SERGEF: variants seen among roughly 807,000 people sequenced by gnomAD.
The protein encoded by SERGEF is secretion-regulating guanine nucleotide exchange factor.
SERGEF carries 51 observed loss-of-function variants against 50.0 expected under a neutral mutation model. The ratio of observed to expected loss-of-function variants is 1.02; its 90% CI spans 0.81 to 1.29. The LOEUF is 1.29. Among genes scored for constraint, SERGEF ranks in the 50% most tolerant of loss-of-function variants. SERGEF has a pLI of 0.00. For missense variants in SERGEF, 521 were observed against 557.0 expected (o/e 0.94, Z 0.65); for synonymous variants, 205 against 212.4 (o/e 0.97, Z 0.30).
chr11:17,860,868 T>C (rs2133882539), intron 10 of SERGEF, among the ~76,000 whole-genome samples: 1 of 152,228 alleles, frequency 6.6e-6, no homozygotes, highest in East Asian at 1.9e-4. Context: ...AGTGAGACAG[T>C]GTAAGAGTTG....
intron 9 of SERGEF, among the ~76,000 whole-genome samples, chr11:17,936,208 C>T (rs992125960): frequency 6.6e-6 from 1 of 152,166 alleles, no homozygotes; most frequent in Non-Finnish European, 1.5e-5. Context: ...CTTGGCTCCA[C>T]AACAAGCCAA....
intron 9 of SERGEF, among the ~76,000 whole-genome samples, chr11:17,913,593 TC>T (rs1851994125): frequency 6.6e-6 from 1 of 152,166 alleles, no homozygotes; most frequent in African/African-American, 2.4e-5. Flanking sequence ...TAGAAATGCT[TC>T]TCTGGATAAA....
In SERGEF at chr11:17,992,941, A is replaced by G. The variant is rs1853750022; in HGVS notation, c.675T>C (p.Ala225=). The change falls in exon 7 of 11, where the codon GCT becomes GCC. Residue 225 remains alanine, a synonymous_variant. Transcript: ENST00000265965. ...MCVLAGSDHS[A]SLTDAGEVYV... is the part of the protein sequence containing the mutation. ...AGAGCTGGTACCTACCTGTTAATGA[A>G]GCTGAGTGGTCTGAGCCAGCAAGAA... The G allele has an allele frequency of 6.2e-7, 1 of 1,614,050 alleles. No individual in the cohort carries two copies. Among genetic ancestry groups the G allele is most frequent in the African/African-American group, 1.3e-5 (1 of 75,050 alleles).
intron 9 of SERGEF, chr11:17,918,818 T>C (rs904528848): frequency 7.6e-6 from 3 of 394,336 alleles, no homozygotes; most frequent in African/African-American, 6.4e-5. Flanking sequence ...CAAAAAGCAC[T>C]CCTGGCAAAG....
intron 8 of SERGEF, among the ~76,000 whole-genome samples, chr11:17,966,743 T>A (rs1006368220): frequency 6.6e-6 from 1 of 152,200 alleles, no homozygotes; most frequent in African/African-American, 2.4e-5. Flanking sequence ...GTTTGGAATT[T>A]TTTTAAGTTA....
chr11:17,874,190 T>C (rs1331097454), intron 10 of SERGEF: 3 of 152,214 alleles, frequency 2.0e-5, no homozygotes, highest in Admixed American at 1.3e-4. Context: ...ACCTATGACA[T>C]GGCGGGTACT....
intron 10 of SERGEF, among the ~76,000 whole-genome samples, chr11:17,795,420 C>T (rs999177594): frequency 1.3e-5 from 2 of 152,190 alleles, no homozygotes; most frequent in Non-Finnish European, 2.9e-5. Flanking sequence ...CCTCACGTCC[C>T]TTGCCCTATC....
intron 10 of SERGEF, among the ~76,000 whole-genome samples, chr11:17,825,709 T>A (rs566422370): frequency 6.6e-6 from 1 of 152,332 alleles, no homozygotes; most frequent in East Asian, 1.9e-4. Context: ...GAGAGATCAC[T>A]TCACTCACAG....
chr11:18,002,601 C>A (rs1210917516), intron 4 of SERGEF, among the ~76,000 whole-genome samples: 1 of 152,216 alleles, frequency 6.6e-6, no homozygotes, highest in African/African-American at 2.4e-5. Context: ...TGAGACCTAG[C>A]TTAAGCCTCT....
intron 10 of SERGEF, among the ~76,000 whole-genome samples, chr11:17,819,453 T>C (rs1444166675): frequency 2.0e-5 from 3 of 152,184 alleles, no homozygotes; most frequent in African/African-American, 7.2e-5. Flanking sequence ...TTTATCTCCT[T>C]CAAAGCTCAA....
At chr11:17,980,958 G>A (rs1191125152) in intron 8 of SERGEF, among the ~76,000 whole-genome samples, 3 of 152,220 alleles carry the variant, frequency 2.0e-5, no homozygotes, top group African/African-American at 7.2e-5. Flanking sequence ...GGACCAGAGA[G>A]TTTAGTGTCT....
chr11:17,917,752 C>T (rs1031702583), intron 9 of SERGEF, among the ~76,000 whole-genome samples: 15 of 152,086 alleles, frequency 9.9e-5, no homozygotes, highest in African/African-American at 2.9e-4. Flanking sequence ...GTATGGTCTC[C>T]GTATCAGCAG....
At position 17,919,613 on chromosome 11, in the gene SERGEF, T is replaced by C. The variant is rs1852116273; in HGVS notation, c.1011+39857A>G. ...TTATAGATATCACTTATTAAATCCT[T>C]ACAACCCTTGAGGGTATTATCTCCC... On this transcript the variant is annotated intron_variant, in intron 9 of 10. Transcript: ENST00000265965. Among the ~76,000 whole-genome samples the C allele has an allele frequency of 1.3e-5, 2 of 152,264 alleles. 1 individual carries two copies. The highest frequency in any genetic ancestry group is 6.8e-3 in the Middle Eastern group (2 of 294).
rs545751742 is a variant in SERGEF, at chr11:17,988,772, G to C, written c.686-17C>G. On this transcript the variant is annotated splice_polypyrimidine_tract_variant and intron_variant, in intron 7 of 10. Transcript: ENST00000265965. ...CTCCTGCATCTTAAACAAACAGAAG[G>C]GTAACAAAAGAGGTGAGGGAACATT... 2 of 1,608,182 alleles carry C rather than the reference G, an allele frequency of 1.2e-6. No individual in the cohort carries two copies. Among genetic ancestry groups the C allele is most frequent in the Admixed American group, 3.4e-5 (2 of 59,568 alleles).
chr11:17,800,305 G>A (rs570979508), intron 10 of SERGEF, among the ~76,000 whole-genome samples: 91 of 152,206 alleles, frequency 6.0e-4, no homozygotes, highest in Non-Finnish European at 9.4e-4. Flanking sequence ...CACCATTGGC[G>A]CTCAAAGTGG....
At chr11:17,866,071 T>TA (rs1359707300) in intron 10 of SERGEF, among the ~76,000 whole-genome samples, 1 of 152,194 alleles carries the variant, frequency 6.6e-6, no homozygotes, top group Non-Finnish European at 1.5e-5. Flanking sequence ...CCAATAGAAC[T>TA]AAAAAACTGT....
intron 10 of SERGEF, among the ~76,000 whole-genome samples, chr11:17,830,798 C>T (rs2133853540): frequency 6.6e-6 from 1 of 152,232 alleles, no homozygotes; most frequent in African/African-American, 2.4e-5. Context: ...CCTCTTAATG[C>T]TGTTATAATG....
chr11:17,953,175 T>C (rs1303638561), intron 9 of SERGEF, among the ~76,000 whole-genome samples: 1 of 151,222 alleles, frequency 6.6e-6, no homozygotes, highest in Admixed American at 6.6e-5. Context: ...ATATTTTCAT[T>C]GCCAGACTCT....
chr11:18,012,520 C>A, intron 1 of SERGEF: 1 of 1,118,476 alleles, frequency 8.9e-7, no homozygotes, highest in Non-Finnish European at 1.1e-6. Flanking sequence ...GATGCTTTCG[C>A]CAGGCTGGGA....
Sources: gnomAD v4.1 joint callset for allele counts (sites outside exome capture counted in the v4.1 genomes callset) on GRCh38, gnomAD v4.1.1 for gene constraint, MANE v1.5 for transcripts, NCBI Gene and HGNC (gene_info 2026-07-23, HGNC 2026-07-21) for gene names.